The following JAKMIP2 variants were observed in gnomAD, a reference collection of about 807,000 sequenced individuals.
JAKMIP2 encodes janus kinase and microtubule interacting protein 2.
A neutral mutation model predicts 115.0 loss-of-function variants in JAKMIP2; 25 were observed. The observed-to-expected ratio is 0.22, with a 90% CI of 0.16 to 0.30. The LOEUF (loss-of-function observed/expected upper bound fraction) is 0.30. JAKMIP2 is among the 10% of genes least tolerant of loss of function. The pLI, the probability that JAKMIP2 is intolerant of heterozygous loss-of-function variation, is 1.00. For missense variants in JAKMIP2, 642 were observed against 957.6 expected (o/e 0.67, Z 4.35); for synonymous variants, 334 against 343.6 (o/e 0.97, Z 0.31).
At chr5:147,596,102 C>A (rs537904338) in intron 21 of JAKMIP2, among the ~76,000 whole-genome samples, 1 of 152,206 alleles carries the variant, frequency 6.6e-6, no homozygotes, top group Non-Finnish European at 1.5e-5. Flanking sequence ...GCACATGGTT[C>A]ATTAAGGGAA....
At chr5:147,595,308 T>C in intron 21 of JAKMIP2, 1 of 349,854 alleles carries the variant, frequency 2.9e-6, no homozygotes, top group Non-Finnish European at 5.8e-6. Flanking sequence ...GTGAGGCTTT[T>C]AGGAGGTTAT....
At chr5:147,734,880 C>T (rs10077132) in intron 1 of JAKMIP2, among the ~76,000 whole-genome samples, 2,724 of 152,226 alleles carry the variant, frequency 0.018, 90 homozygotes, top group African/African-American at 0.061. Flanking sequence ...GGGTTGTAAA[C>T]AAAGTCTGAT....
At chr5:147,605,985 A>G (rs1357842665) in intron 20 of JAKMIP2, among the ~76,000 whole-genome samples, 1 of 152,104 alleles carries the variant, frequency 6.6e-6, no homozygotes, top group Non-Finnish European at 1.5e-5. Flanking sequence ...TCTTATTTTG[A>G]AAAGCGTCTG....
At chr5:147,669,793 T>G (rs1299957452) in intron 2 of JAKMIP2, among the ~76,000 whole-genome samples, 1 of 152,242 alleles carries the variant, frequency 6.6e-6, no homozygotes, top group Non-Finnish European at 1.5e-5. Context: ...GGAAGTCATC[T>G]GCATCTGTAG....
chr5:147,602,444 A>T (rs1327932228), intron 20 of JAKMIP2, among the ~76,000 whole-genome samples: 1 of 152,194 alleles, frequency 6.6e-6, no homozygotes, highest in African/African-American at 2.4e-5. Context: ...ACATCTGGTC[A>T]TGCTATTGGT....
At chr5:147,607,239 C>T (rs1042432891) in intron 20 of JAKMIP2, among the ~76,000 whole-genome samples, 13 of 152,136 alleles carry the variant, frequency 8.5e-5, no homozygotes, top group African/African-American at 3.1e-4. Context: ...AGACAGCATC[C>T]TTGTTTTGTG....
intron 1 of JAKMIP2, among the ~76,000 whole-genome samples, chr5:147,779,843 G>C (rs1249008332): frequency 6.6e-6 from 1 of 152,060 alleles, no homozygotes; most frequent in Non-Finnish European, 1.5e-5. Context: ...GCATATCTAG[G>C]TCATACTTTT....
At chr5:147,760,814 G>A (rs1754906929) in intron 1 of JAKMIP2, among the ~76,000 whole-genome samples, 1 of 152,208 alleles carries the variant, frequency 6.6e-6, no homozygotes, top group South Asian at 2.1e-4. Flanking sequence ...ACAGTTGAGA[G>A]GAAGAAATGG....
At chr5:147,685,039 A>G (rs554752050) in intron 1 of JAKMIP2, among the ~76,000 whole-genome samples, 23 of 152,298 alleles carry the variant, frequency 1.5e-4, no homozygotes, top group African/African-American at 5.1e-4. Flanking sequence ...TCCATTTCAT[A>G]CTTAAAACAA....
chr5:147,661,708 G>A, intron 2 of JAKMIP2: 1 of 401,890 alleles, frequency 2.5e-6, no homozygotes, highest in Non-Finnish European at 4.5e-6. Flanking sequence ...TGTGTGGTCT[G>A]CAGACAAGCA....
At chr5:147,611,401 T>A (rs555425737) in intron 20 of JAKMIP2, among the ~76,000 whole-genome samples, 20 of 152,222 alleles carry the variant, frequency 1.3e-4, no homozygotes, top group Admixed American at 3.9e-4. Context: ...CCATCCCTCA[T>A]GGTGCAGTCC....
chr5:147,761,683 AGT>A (rs1454267771), intron 1 of JAKMIP2, among the ~76,000 whole-genome samples: 2 of 152,140 alleles, frequency 1.3e-5, no homozygotes, highest in Non-Finnish European at 2.9e-5. Context: ...TCTTTCTGTA[AGT>A]GTGTATTATT....
intron 19 of JAKMIP2, among the ~76,000 whole-genome samples, chr5:147,615,700 T>C (rs1434964987): frequency 1.3e-5 from 2 of 152,206 alleles, no homozygotes; most frequent in East Asian, 3.8e-4. Flanking sequence ...TGATATATCA[T>C]AATTATTTTT....
chr5:147,678,835 A>C (rs1760110391), intron 1 of JAKMIP2, among the ~76,000 whole-genome samples: 1 of 152,140 alleles, frequency 6.6e-6, no homozygotes, highest in Non-Finnish European at 1.5e-5. Context: ...ATTAAAAAAA[A>C]ACTTTTCAGA....
intron 9 of JAKMIP2, among the ~76,000 whole-genome samples, chr5:147,640,186 T>C (rs1656688248): frequency 6.6e-6 from 1 of 152,224 alleles, no homozygotes; most frequent in Non-Finnish European, 1.5e-5. Context: ...AAATCTGTTT[T>C]ATTGCATTAC....
chr5:147,689,056 C>T (rs1379165139), intron 1 of JAKMIP2, among the ~76,000 whole-genome samples: 1 of 152,122 alleles, frequency 6.6e-6, no homozygotes. Context: ...CTGAGAAAGC[C>T]TAAGTAGTTG....
intron 12 of JAKMIP2, among the ~76,000 whole-genome samples, chr5:147,633,496 C>T (rs1203448102): frequency 6.6e-6 from 1 of 152,144 alleles, no homozygotes; most frequent in Admixed American, 6.5e-5. Flanking sequence ...AGCTCTTAAG[C>T]ATTAGCACTT....
At chr5:147,648,299 G>A (rs1000199096) in intron 5 of JAKMIP2, 77 bp downstream of exon 5, 67 of 762,988 alleles carry the variant, frequency 8.8e-5, no homozygotes, top group Middle Eastern at 2.4e-4. Context: ...ATTATGGTAC[G>A]TATCTATAAC....
intron 1 of JAKMIP2, among the ~76,000 whole-genome samples, chr5:147,681,161 C>A (rs928103345): frequency 4.6e-5 from 7 of 152,140 alleles, no homozygotes; most frequent in South Asian, 4.1e-4. Flanking sequence ...AGGTTTAAAA[C>A]TTCACATTTG....
Sources: gnomAD v4.1 joint callset for allele counts (sites outside exome capture counted in the v4.1 genomes callset) on GRCh38, gnomAD v4.1.1 for gene constraint, MANE v1.5 for transcripts, NCBI Gene and HGNC (gene_info 2026-07-23, HGNC 2026-07-21) for gene names.